The following LOC128462377 variants were observed in gnomAD, a reference collection of about 807,000 sequenced individuals.
At chr16:89,326,413 T>G in the LOC128462377 span, among the ~76,000 whole-genome samples, 2 of 137,968 alleles carry the variant, frequency 1.4e-5, no homozygotes, top group Non-Finnish European at 3.1e-5. Flanking sequence ...TGCACACCAC[T>G]CAGCAACCAC....
chr16:89,402,790 G>T, the LOC128462377 span, among the ~76,000 whole-genome samples: 1 of 146,042 alleles, frequency 6.8e-6, no homozygotes, highest in Admixed American at 6.9e-5. Flanking sequence ...GTGGGATGAG[G>T]TGAGGTGGGG....
the LOC128462377 span, among the ~76,000 whole-genome samples, chr16:89,364,617 G>T: frequency 1.6e-4 from 25 of 152,252 alleles, no homozygotes; most frequent in Admixed American, 1.6e-3. Context: ...AACTGGCTTG[G>T]GCCACACATA....
At chr16:89,367,725 C>G in the LOC128462377 span, among the ~76,000 whole-genome samples, 7 of 152,340 alleles carry the variant, frequency 4.6e-5, no homozygotes, top group East Asian at 1.4e-3. Flanking sequence ...TACAGCTCCA[C>G]GCATCCCATC....
chr16:89,359,659 T>C, the LOC128462377 span, among the ~76,000 whole-genome samples: 3,190 of 152,278 alleles, frequency 0.021, 123 homozygotes, highest in African/African-American at 0.073. Flanking sequence ...AGCCGGCTGT[T>C]CACCTCTCTG....
chr16:89,369,277 C>G, the LOC128462377 span, among the ~76,000 whole-genome samples: 1 of 152,214 alleles, frequency 6.6e-6, no homozygotes, highest in African/African-American at 2.4e-5. Context: ...GAGAAATGCC[C>G]ACACGTCTCC....
At chr16:89,412,753 A>G in the LOC128462377 span, among the ~76,000 whole-genome samples, 1 of 152,214 alleles carries the variant, frequency 6.6e-6, no homozygotes, top group African/African-American at 2.4e-5. Context: ...ATGGTATTAA[A>G]AAAATAAAAC....
the LOC128462377 span, among the ~76,000 whole-genome samples, chr16:89,335,295 G>C: frequency 2.0e-5 from 3 of 152,140 alleles, no homozygotes; most frequent in Non-Finnish European, 2.9e-5. Context: ...CCCAAGCAGG[G>C]GCTGCAACAG....
At chr16:89,416,251 T>A in the LOC128462377 span, among the ~76,000 whole-genome samples, 1 of 152,166 alleles carries the variant, frequency 6.6e-6, no homozygotes, top group African/African-American at 2.4e-5. Flanking sequence ...GCAGAGTTGC[T>A]GATAGCTTGC....
chr16:89,360,477 A>G, the LOC128462377 span: 1 of 152,372 alleles, frequency 6.6e-6, no homozygotes, highest in African/African-American at 2.4e-5. Flanking sequence ...ACTATATACC[A>G]CAAATCCTAC....
chr16:89,405,641 T>C, the LOC128462377 span, among the ~76,000 whole-genome samples: 1 of 151,978 alleles, frequency 6.6e-6, no homozygotes, highest in Non-Finnish European at 1.5e-5. Context: ...GCTTTCTAGG[T>C]AACTTTCCTA....
chr16:89,367,634 T>C, the LOC128462377 span, among the ~76,000 whole-genome samples: 2 of 152,136 alleles, frequency 1.3e-5, no homozygotes, highest in African/African-American at 4.8e-5. Flanking sequence ...AAATCCTCCA[T>C]GGCACAAAAC....
At chr16:89,402,823 G>A in the LOC128462377 span, among the ~76,000 whole-genome samples, 1 of 147,010 alleles carries the variant, frequency 6.8e-6, no homozygotes, top group Non-Finnish European at 1.5e-5. Context: ...GAGGTTGGGG[G>A]GGCGGCACTG....
chr16:89,337,429 C>T, the LOC128462377 span, among the ~76,000 whole-genome samples: 1,294 of 53,016 alleles, frequency 0.024, 33 homozygotes, highest in Middle Eastern at 0.036. Flanking sequence ...CTAAGCAATT[C>T]TTTTTTTTTT....
At chr16:89,323,514 G>C in the LOC128462377 span, among the ~76,000 whole-genome samples, 1 of 109,362 alleles carries the variant, frequency 9.1e-6, no homozygotes, top group African/African-American at 3.8e-5. Context: ...CAGGGCAGGG[G>C]GGCTGAGCCG....
At chr16:89,330,656 CTGGG>C in the LOC128462377 span, among the ~76,000 whole-genome samples, 1 of 4,270 alleles carries the variant, frequency 2.3e-4, no homozygotes, top group Non-Finnish European at 5.4e-4. Context: ...AGTACAGTGA[CTGGG>C]GGGGGGGGGG....
chr16:89,398,315 CTG>C, the LOC128462377 span, among the ~76,000 whole-genome samples: 2 of 144,288 alleles, frequency 1.4e-5, no homozygotes, highest in Admixed American at 1.4e-4. Context: ...ATGAGGGACA[CTG>C]TGAAACAGCT....
the LOC128462377 span, among the ~76,000 whole-genome samples, chr16:89,358,868 C>A: frequency 6.6e-6 from 1 of 152,046 alleles, no homozygotes; most frequent in Non-Finnish European, 1.5e-5. Flanking sequence ...CTCTGCTGCC[C>A]AGGCTGGAGC....
At chr16:89,393,201 G>A in the LOC128462377 span, among the ~76,000 whole-genome samples, 4 of 152,076 alleles carry the variant, frequency 2.6e-5, no homozygotes, top group East Asian at 1.9e-4. Context: ...AGAGCACGAC[G>A]CCAGCCTCAT....
the LOC128462377 span, among the ~76,000 whole-genome samples, chr16:89,322,098 A>G: frequency 6.6e-6 from 1 of 152,198 alleles, no homozygotes; most frequent in Non-Finnish European, 1.5e-5. Context: ...GAAGGCTGTT[A>G]GTTAAGTTTG....
Sources: gnomAD v4.1 joint callset for allele counts (sites outside exome capture counted in the v4.1 genomes callset) on GRCh38, gnomAD v4.1.1 for gene constraint, MANE v1.5 for transcripts.